NBAS: variants seen among roughly 807,000 people sequenced by gnomAD.
NBAS encodes NBAS subunit of NRZ tethering complex, also known as NAG/BC035112 fusion.
NBAS carries 219 observed loss-of-function variants against 302.5 expected under a neutral mutation model. That is an observed-to-expected ratio of 0.72 (90% CI 0.65 to 0.81). The LOEUF is 0.81. Among genes scored for constraint, NBAS ranks in the 30% least tolerant of loss-of-function variants. The pLI, the probability that NBAS is intolerant of heterozygous loss-of-function variation, is 0.00. For missense variants in NBAS, 2,932 were observed against 2,841.6 expected, an observed-to-expected ratio of 1.03 and a Z score of -0.72; for synonymous variants, 1,118 against 1,021.6, an observed-to-expected ratio of 1.09 and a Z score of -1.80.
At chr2:14,925,563 T>C in the NBAS span, among the ~76,000 whole-genome samples, 1 of 152,172 alleles carries the variant, frequency 6.6e-6, no homozygotes, top group Non-Finnish European at 1.5e-5. Context: ...TGCAAAACCA[T>C]CTGCATTTTG....
intron 38 of NBAS, among the ~76,000 whole-genome samples, chr2:15,318,718 C>T (rs1413414905): frequency 6.6e-6 from 1 of 152,126 alleles, no homozygotes; most frequent in African/African-American, 2.4e-5. Flanking sequence ...AATATATATG[C>T]ACCCAATACA....
Position 15,383,223 on chromosome 2 carries a change from A to T in NBAS, c.3352T>A (p.Cys1118Ser). ...NVYTCLDSDA[C>S]YEIFTESLLC... The stretch of plus-strand genomic sequence containing the variant: ...TATGGTTCTAGAGTTACCTCATAGC[A>T]GGCATCAGAATCTAGACATGTGTAT... Residue 1118 changes from cysteine to serine, a missense_variant, in exon 29 of 52, where the codon TGC (cysteine) becomes AGC (serine). Coordinates refer to ENST00000281513, the MANE Select transcript of NBAS (RefSeq NM_015909.4). 2.5e-6 allele frequency: 4 copies of T among 1,613,092 alleles called. No individual in the cohort carries two copies. The highest frequency in any genetic ancestry group is 3.4e-6 in the Non-Finnish European group (4 of 1,179,116).
intron 38 of NBAS, among the ~76,000 whole-genome samples, chr2:15,325,382 T>TA (rs72159003): frequency 0.01 from 1,554 of 151,210 alleles, 7 homozygotes; most frequent in African/African-American, 0.015. Flanking sequence ...CCTTTATTGC[T>TA]AAAAAAAAAG....
the NBAS span, among the ~76,000 whole-genome samples, chr2:15,102,877 T>A: frequency 1.3e-5 from 2 of 152,130 alleles, no homozygotes; most frequent in African/African-American, 2.4e-5. Context: ...GCAGTCCTTT[T>A]ATCTACCTTG....
the NBAS span, among the ~76,000 whole-genome samples, chr2:14,990,780 TA>T: frequency 6.6e-6 from 1 of 152,176 alleles, no homozygotes; most frequent in African/African-American, 2.4e-5. Context: ...GCCATCTTTT[TA>T]AATACAACAT....
chr2:14,928,830 C>T, the NBAS span, among the ~76,000 whole-genome samples: 1 of 151,982 alleles, frequency 6.6e-6, no homozygotes, highest in African/African-American at 2.4e-5. Flanking sequence ...AGCCCACAGT[C>T]CCCACGCTCT....
the NBAS span, among the ~76,000 whole-genome samples, chr2:14,833,585 A>T: frequency 2.0e-5 from 3 of 152,144 alleles, no homozygotes; most frequent in Admixed American, 2.0e-4. Context: ...AACAGTCTGT[A>T]TATCTGTACC....
chr2:15,382,414 C>A (rs1675083226), intron 29 of NBAS, among the ~76,000 whole-genome samples: 2 of 152,052 alleles, frequency 1.3e-5, no homozygotes, highest in Admixed American at 1.3e-4. Context: ...AAGCAATGCA[C>A]AAATAAACAA....
chr2:15,378,618 T>A (rs1306554668), intron 30 of NBAS, among the ~76,000 whole-genome samples: 1 of 152,220 alleles, frequency 6.6e-6, no homozygotes, highest in African/African-American at 2.4e-5. Context: ...ACAGTTTGGC[T>A]AGGCTTTTAA....
At chr2:15,086,045 G>A in the NBAS span, among the ~76,000 whole-genome samples, 2 of 152,116 alleles carry the variant, frequency 1.3e-5, no homozygotes, top group African/African-American at 2.4e-5. Flanking sequence ...GCTAGGTAGG[G>A]CCTGAAACCT....
intron 29 of NBAS, among the ~76,000 whole-genome samples, chr2:15,381,999 A>AT (rs1365951896): frequency 1.3e-5 from 2 of 152,188 alleles, no homozygotes; most frequent in African/African-American, 4.8e-5. Flanking sequence ...ACTCTTTATG[A>AT]TTTTGTGTCT....
At chr2:15,047,520 G>C in the NBAS span, among the ~76,000 whole-genome samples, 1 of 152,106 alleles carries the variant, frequency 6.6e-6, no homozygotes, top group African/African-American at 2.4e-5. Flanking sequence ...GTGAAGGCTG[G>C]GCCCGGGCAG....
intron 21 of NBAS, among the ~76,000 whole-genome samples, chr2:15,446,159 A>G (rs1343805229): frequency 1.3e-5 from 2 of 152,088 alleles, no homozygotes; most frequent in African/African-American, 2.4e-5. Flanking sequence ...AATGACCATA[A>G]ATTTCCTAAA....
At chr2:15,228,481 T>C (rs966535077) in intron 47 of NBAS, among the ~76,000 whole-genome samples, 2 of 152,230 alleles carry the variant, frequency 1.3e-5, no homozygotes, top group Admixed American at 6.5e-5. Flanking sequence ...GCAATCCCGT[T>C]ACTGAGTATA....
At chr2:14,982,630 A>T in the NBAS span, among the ~76,000 whole-genome samples, 280 of 152,326 alleles carry the variant, frequency 1.8e-3, no homozygotes, top group African/African-American at 6.5e-3. Context: ...GTGAACATTT[A>T]GAAAAAAATA....
intron 44 of NBAS, among the ~76,000 whole-genome samples, chr2:15,261,623 C>A (rs1385255317): frequency 6.6e-6 from 1 of 151,718 alleles, no homozygotes; most frequent in Non-Finnish European, 1.5e-5. Flanking sequence ...ATGGCCCTCT[C>A]TTTTTTACTG....
At chr2:14,847,153 G>T in the NBAS span, among the ~76,000 whole-genome samples, 3 of 152,096 alleles carry the variant, frequency 2.0e-5, no homozygotes, top group Admixed American at 1.3e-4. Context: ...AGAGGCCGAG[G>T]TGGGTAGATC....
At chr2:15,186,066 CCATA>C (rs1473368192) in intron 50 of NBAS, among the ~76,000 whole-genome samples, 37 of 143,716 alleles carry the variant, frequency 2.6e-4, no homozygotes, top group African/African-American at 9.6e-4. Flanking sequence ...CTCTTTCTCT[CCATA>C]CATACATATA....
rs1299980984 is a variant in NBAS, at chr2:15,308,216, C to A, written c.4797G>T (p.Arg1599Ser). The A allele has an allele frequency of 1.9e-6, 3 of 1,614,058 alleles. No homozygotes were observed. In the Admixed American group the frequency reaches 5.0e-5, roughly 27 times the overall value. ...TAAGCTGGAAATCATGAAGACTCAC[C>A]CTGTAAAGAGGATGGCACTTGTCCC... ...CFRDKCHPLY[R>S]ADPKELIKMV... Residue 1599 changes from arginine to serine, a missense_variant and splice_region_variant, in exon 40 of 52, where the codon AGG becomes AGT. Arg to Ser is a moderately radical substitution (Grantham distance 110). Coordinates refer to ENST00000281513, the MANE Select transcript of NBAS (RefSeq NM_015909.4).
Sources: allele counts gnomAD v4.1 joint callset (sites outside exome capture counted in the v4.1 genomes callset), GRCh38; gene constraint gnomAD v4.1.1; transcripts MANE v1.5; gene names NCBI Gene and HGNC (gene_info 2026-07-23, HGNC 2026-07-21).